TFEC: variants seen among roughly 807,000 people sequenced by gnomAD.
TFEC encodes class E basic helix-loop-helix protein 34.
TFEC carries 31 observed loss-of-function variants against 41.6 expected under a neutral mutation model. The observed-to-expected ratio is 0.74, with a 90% CI of 0.56 to 1.01. The LOEUF is 1.01. Ranked by LOEUF, TFEC falls within the 50% of genes least tolerant of loss-of-function variation. The probability of loss-of-function intolerance (pLI) is 0.00; values close to 1 mark genes in which losing one functional copy is unlikely to be tolerated. For synonymous variants in TFEC, 143 were observed against 140.6 expected, an observed-to-expected ratio of 1.02 and a Z score of -0.12; for missense variants, 402 against 404.1, an observed-to-expected ratio of 0.99 and a Z score of 0.04.
At chr7:116,066,353 TAA>T (rs1473827472) in intron 3 of TFEC, among the ~76,000 whole-genome samples, 1 of 152,126 alleles carries the variant, frequency 6.6e-6, no homozygotes, top group Non-Finnish European at 1.5e-5. Flanking sequence ...TCTTTTGATA[TAA>T]GTTAATGTAA....
intron 1 of TFEC, among the ~76,000 whole-genome samples, chr7:116,133,075 TA>T (rs1584555657): frequency 6.6e-6 from 1 of 152,348 alleles, no homozygotes; most frequent in East Asian, 1.9e-4. Flanking sequence ...ATGTATGCAA[TA>T]AAAGCTATCA....
At chr7:115,985,891 G>T (rs1793832368) in intron 1 of TFEC, among the ~76,000 whole-genome samples, 1 of 151,954 alleles carries the variant, frequency 6.6e-6, no homozygotes, top group Non-Finnish European at 1.5e-5. Flanking sequence ...ATACTTTTAT[G>T]AAATATACAT....
intron 1 of TFEC, among the ~76,000 whole-genome samples, chr7:116,118,117 T>C (rs938682022): frequency 6.6e-6 from 1 of 151,922 alleles, no homozygotes; most frequent in South Asian, 2.1e-4. Flanking sequence ...ATTTAACCCA[T>C]GGCATGCCAA....
chr7:115,999,473 A>C (rs968844866), intron 1 of TFEC, among the ~76,000 whole-genome samples: 1 of 152,008 alleles, frequency 6.6e-6, no homozygotes, highest in Non-Finnish European at 1.5e-5. Context: ...TTAGTGCAAG[A>C]TCAGAACAGA....
chr7:115,964,599 G>GA (rs980923098), intron 3 of TFEC, among the ~76,000 whole-genome samples: 1 of 151,320 alleles, frequency 6.6e-6, no homozygotes, highest in Non-Finnish European at 1.5e-5. Flanking sequence ...AACAAATTCA[G>GA]AAAAAAGCAT....
At chr7:116,078,430 C>T (rs1490946565) in intron 3 of TFEC, among the ~76,000 whole-genome samples, 1 of 151,670 alleles carries the variant, frequency 6.6e-6, no homozygotes, top group African/African-American at 2.4e-5. Context: ...AATTGATAGA[C>T]CATTAATGAG....
chr7:116,157,826 C>T (rs1273742439), intron 1 of TFEC, among the ~76,000 whole-genome samples: 1 of 152,082 alleles, frequency 6.6e-6, no homozygotes, highest in African/African-American at 2.4e-5. Flanking sequence ...TCTGTCACAC[C>T]GAAGGTACTC....
At chr7:116,125,780 T>C (rs564082539) in intron 1 of TFEC, among the ~76,000 whole-genome samples, 3 of 152,294 alleles carry the variant, frequency 2.0e-5, no homozygotes, top group South Asian at 4.2e-4. Flanking sequence ...CCTCCGGGGA[T>C]TGGACAACTT....
chr7:116,072,726 C>T (rs1030038157), intron 3 of TFEC, among the ~76,000 whole-genome samples: 6 of 151,466 alleles, frequency 4.0e-5, no homozygotes, highest in African/African-American at 1.5e-4. Flanking sequence ...ATGAACATCT[C>T]AATAGATGCA....
chr7:116,142,259 C>G (rs2116398465), intron 1 of TFEC, among the ~76,000 whole-genome samples: 1 of 152,306 alleles, frequency 6.6e-6, no homozygotes, highest in East Asian at 1.9e-4. Context: ...CTCCTCTGGT[C>G]TCTATGACAT....
upstream of TFEC, among the ~76,000 whole-genome samples, chr7:116,033,383 G>A (rs1038287030): frequency 6.6e-6 from 1 of 152,068 alleles, no homozygotes; most frequent in South Asian, 2.1e-4. Context: ...CTGTAAAACA[G>A]AGAAACTAAT....
At chr7:116,123,403 T>C (rs1432097941) in intron 1 of TFEC, among the ~76,000 whole-genome samples, 1 of 152,134 alleles carries the variant, frequency 6.6e-6, no homozygotes, top group Admixed American at 6.6e-5. Context: ...CCTTTAATCT[T>C]TGCAATTAGC....
chr7:116,082,450 A>AT (rs1797113075), intron 3 of TFEC, among the ~76,000 whole-genome samples: 1 of 152,070 alleles, frequency 6.6e-6, no homozygotes, highest in Admixed American at 6.6e-5. Context: ...TTTTGCCAAT[A>AT]TTGTGTATTA....
intron 3 of TFEC, among the ~76,000 whole-genome samples, chr7:116,040,259 C>A (rs1796004435): frequency 6.6e-6 from 1 of 152,048 alleles, no homozygotes; most frequent in Admixed American, 6.6e-5. Flanking sequence ...AAGGAATATT[C>A]TTTTTGTTTT....
rs567450164 is a variant in TFEC, at chr7:116,153,002, T to C, written c.-69+6788A>G. Among the ~76,000 whole-genome samples, 12 of 152,106 alleles carry C rather than the reference T, an allele frequency of 7.9e-5. No homozygotes were observed. In the East Asian group the frequency reaches 2.1e-3, roughly 27 times the overall value. ...ACCCCACACCATATGTTCAAGAAGG[T>C]AGAGGAAAGCATAAGCATGTTGAGG... On this transcript the variant is annotated intron_variant, in intron 1 of 8. Coordinates refer to the TFEC transcript ENST00000484212.
At chr7:116,142,006 T>C (rs1464215221) in intron 1 of TFEC, among the ~76,000 whole-genome samples, 1 of 152,188 alleles carries the variant, frequency 6.6e-6, no homozygotes, top group Admixed American at 6.5e-5. Context: ...CTTTTCATCA[T>C]GATCACAGAG....
At chr7:115,941,607 A>G in intron 7 of TFEC, 1 of 372,716 alleles carries the variant, frequency 2.7e-6, no homozygotes, top group Middle Eastern at 7.1e-4. Context: ...TGTTGTCATT[A>G]TATATGTGTA....
At position 115,940,612 on chromosome 7, in the gene TFEC, G is replaced by A. The variant is rs1793440052; in HGVS notation, c.983C>T (p.Ala328Val). The A allele has an allele frequency of 6.2e-7, 1 of 1,613,324 alleles. No homozygotes were observed. Among genetic ancestry groups the A allele is most frequent in the Admixed American group, 1.7e-5 (1 of 59,878 alleles). Residue 328 changes from alanine (A) to valine (V), a missense_variant, in exon 8 of 8, where the codon GCA becomes GTA. Ala to Val is a moderately conservative substitution (Grantham distance 64). Transcript: ENST00000265440. ...TCTCCTACTGCTTTCTTTGGAAACTGCAGGGGAAGTGGCAGATAGCAGAGG... is the reference window on the plus strand; with the variant it reads ...TCTCCTACTGCTTTCTTTGGAAACTACAGGGGAAGTGGCAGATAGCAGAGG... ...TDPLLSATSP[A>V]VSKESSRRSS...
chr7:115,962,744 A>G (rs1299376999), intron 3 of TFEC, among the ~76,000 whole-genome samples: 1 of 151,828 alleles, frequency 6.6e-6, no homozygotes, highest in Non-Finnish European at 1.5e-5. Flanking sequence ...CAACCCTCAC[A>G]GGGGGAGAAG....
Sources: allele counts gnomAD v4.1 joint callset (sites outside exome capture counted in the v4.1 genomes callset), GRCh38; gene constraint gnomAD v4.1.1; transcripts MANE v1.5; gene names NCBI Gene and HGNC (gene_info 2026-07-23, HGNC 2026-07-21).